SSH2: variants seen among roughly 807,000 people sequenced by gnomAD.
The protein encoded by SSH2 is protein phosphatase Slingshot homolog 2.
In SSH2, 37 loss-of-function variants were observed where a neutral mutation model predicts 135.2. The ratio of observed to expected loss-of-function variants is 0.27; its 90% CI spans 0.21 to 0.36. The LOEUF (loss-of-function observed/expected upper bound fraction) is 0.36, where lower values mean the gene tolerates loss of function less well. Ranked by LOEUF, SSH2 falls within the 10% of genes least tolerant of loss-of-function variation. SSH2 has a pLI of 1.00. For missense variants in SSH2, 1,408 were observed against 1,765.3 expected (o/e 0.80, Z 3.63); for synonymous variants, 628 against 646.2 (o/e 0.97, Z 0.43).
At chr17:29,797,538 G>T (rs777387797) in intron 2 of SSH2, among the ~76,000 whole-genome samples, 1 of 152,040 alleles carries the variant, frequency 6.6e-6, no homozygotes, top group Non-Finnish European at 1.5e-5. Flanking sequence ...ATGAATATAC[G>T]AGTTCATTTA....
intron 1 of SSH2, among the ~76,000 whole-genome samples, chr17:29,858,229 C>T (rs2065699084): frequency 6.6e-6 from 1 of 152,184 alleles, no homozygotes; most frequent in African/African-American, 2.4e-5. Context: ...AAGTTACTTA[C>T]AATTAAACTC....
intron 1 of SSH2, among the ~76,000 whole-genome samples, chr17:29,908,826 C>G (rs997488079): frequency 2.0e-5 from 3 of 147,396 alleles, no homozygotes; most frequent in East Asian, 4.0e-4. Context: ...CGCCTGTAAT[C>G]CCAGCAATTT....
chr17:29,819,099 G>A (rs1267288424), intron 2 of SSH2, among the ~76,000 whole-genome samples: 1 of 151,972 alleles, frequency 6.6e-6, no homozygotes, highest in Non-Finnish European at 1.5e-5. Context: ...GGTGGTGCAA[G>A]CCTGTAATCC....
chr17:29,742,087 A>G (rs2040578373), intron 3 of SSH2, among the ~76,000 whole-genome samples: 1 of 151,466 alleles, frequency 6.6e-6, no homozygotes, highest in South Asian at 2.1e-4. Context: ...AGCGTGTGCC[A>G]CCATGTCCGA....
chr17:29,799,705 CT>C (rs111310069), intron 2 of SSH2, among the ~76,000 whole-genome samples: 9,318 of 152,220 alleles, frequency 0.061, 528 homozygotes, highest in African/African-American at 0.15. Context: ...AAAAACACCC[CT>C]GATGCTTTCT....
chr17:29,692,037 G>T (rs2038503779), intron 5 of SSH2, among the ~76,000 whole-genome samples: 1 of 151,466 alleles, frequency 6.6e-6, no homozygotes, highest in Non-Finnish European at 1.5e-5. Flanking sequence ...CTAGTCGGGG[G>T]GCTGAGACAG....
chr17:29,736,514 G>A (rs1159697540), intron 3 of SSH2, among the ~76,000 whole-genome samples: 6 of 152,086 alleles, frequency 3.9e-5, no homozygotes, highest in South Asian at 4.1e-4. Flanking sequence ...TCGGTTGGGC[G>A]CGGTGGCTCA....
chr17:29,630,678 C>T lies in SSH2; in HGVS notation c.*163G>A, dbSNP rs1216614285. ...CAATCTCTCTTTCCCCTTACATATACACACACATACACACTGAAAAACACC... is the reference window on the plus strand; with the variant it reads ...CAATCTCTCTTTCCCCTTACATATATACACACATACACACTGAAAAACACC... On this transcript the variant is annotated 3_prime_UTR_variant, in exon 16 of 16. Transcript: ENST00000540801. 3 of 549,702 alleles carry T rather than the reference C, an allele frequency of 5.5e-6. No individual in the cohort carries two copies. The highest frequency in any genetic ancestry group is 1.9e-5 in the African/African-American group (1 of 51,998). 34.1% of individuals were successfully genotyped at this position (549,702 alleles called of 1,614,324 possible). A position where few individuals can be genotyped will look rare whatever the true frequency, so the allele number is the denominator to read the frequency against.
intron 3 of SSH2, among the ~76,000 whole-genome samples, chr17:29,726,553 G>T (rs2040008794): frequency 6.6e-6 from 1 of 152,078 alleles, no homozygotes; most frequent in African/African-American, 2.4e-5. Context: ...TAACAAGGGT[G>T]GTCTGATCTG....
chr17:29,696,080 A>C (rs1567888502), intron 4 of SSH2, among the ~76,000 whole-genome samples: 1 of 151,424 alleles, frequency 6.6e-6, no homozygotes, highest in Non-Finnish European at 1.5e-5. Flanking sequence ...GACTGATATT[A>C]TTATTATTTA....
In SSH2 at chr17:29,924,097, C is replaced by T. The variant is rs893517190; in HGVS notation, c.63+5841G>A. 2.0e-5 allele frequency among the ~76,000 whole-genome samples: 3 copies of T among 152,120 alleles called. No individual in the cohort carries two copies. The East Asian group carries it at 5.8e-4, about 29-fold the overall frequency. ...ATCTTTTCTGTACTTCTCTGTATTT[C>T]TGGATTTCCTACAATAGTCATTTCT... On this transcript the variant is annotated intron_variant, in intron 1 of 15. Transcript: ENST00000540801.
chr17:29,714,775 A>G (rs1353952005), intron 3 of SSH2, among the ~76,000 whole-genome samples: 1 of 151,760 alleles, frequency 6.6e-6, no homozygotes, highest in Non-Finnish European at 1.5e-5. Context: ...TCTGATTACA[A>G]CTCCCTCTCC....
chr17:29,741,009 T>C (rs1232189360), intron 3 of SSH2, among the ~76,000 whole-genome samples: 3 of 152,200 alleles, frequency 2.0e-5, no homozygotes, highest in Non-Finnish European at 1.5e-5. Flanking sequence ...AGTTTCTTCA[T>C]TGTAACTATT....
At chr17:29,731,630 A>C (rs1381017795) in intron 3 of SSH2, among the ~76,000 whole-genome samples, 1 of 151,936 alleles carries the variant, frequency 6.6e-6, no homozygotes, top group Non-Finnish European at 1.5e-5. Context: ...TAATCTGTGC[A>C]TTTTTAGTAG....
At chr17:29,735,020 T>C (rs993560692) in intron 3 of SSH2, among the ~76,000 whole-genome samples, 1 of 152,096 alleles carries the variant, frequency 6.6e-6, no homozygotes, top group Non-Finnish European at 1.5e-5. Flanking sequence ...AGGTTCAAAA[T>C]TGGGGGTGGG....
chr17:29,837,199 G>A (rs1387285166), intron 2 of SSH2, among the ~76,000 whole-genome samples: 2 of 151,728 alleles, frequency 1.3e-5, no homozygotes, highest in African/African-American at 4.8e-5. Flanking sequence ...AGAGGTTGCA[G>A]TGAGCCAAGA....
chr17:29,725,368 A>AAAAAAAAAC (rs1341693487), intron 3 of SSH2, among the ~76,000 whole-genome samples: 1 of 151,118 alleles, frequency 6.6e-6, no homozygotes, highest in Non-Finnish European at 1.5e-5. Context: ...AAAAAAAAAA[A>AAAAAAAAAC]AGCCAGGGAA....
At chr17:29,833,005 C>G (rs1253228044) in intron 2 of SSH2, among the ~76,000 whole-genome samples, 2 of 152,130 alleles carry the variant, frequency 1.3e-5, no homozygotes, top group Non-Finnish European at 2.9e-5. Context: ...GTTTTGTGGT[C>G]TAACATATGG....
intron 11 of SSH2, among the ~76,000 whole-genome samples, chr17:29,666,308 A>T (rs1439738695): frequency 6.6e-6 from 1 of 152,162 alleles, no homozygotes; most frequent in Admixed American, 6.5e-5. Flanking sequence ...TGCGAGGCTG[A>T]GGTTGCACTG....
Sources: allele counts gnomAD v4.1 joint callset (sites outside exome capture counted in the v4.1 genomes callset), GRCh38; gene constraint gnomAD v4.1.1; transcripts MANE v1.5; gene names NCBI Gene and HGNC (gene_info 2026-07-23, HGNC 2026-07-21).